LRP1B: variants seen among roughly 807,000 people sequenced by gnomAD.
LRP1B encodes the protein low-density lipoprotein receptor-related protein 1B.
LRP1B carries 217 observed loss-of-function variants against 556.6 expected under a neutral mutation model. The observed-to-expected ratio is 0.39, with a 90% CI of 0.35 to 0.44. The LOEUF (loss-of-function observed/expected upper bound fraction) is 0.44. Among genes scored for constraint, LRP1B ranks in the 20% least tolerant of loss-of-function variants. The pLI, the probability that LRP1B is intolerant of heterozygous loss-of-function variation, is 1.00. For synonymous variants in LRP1B, 2,047 were observed against 1,865.8 expected (o/e 1.10, Z -2.50); for missense variants, 5,053 against 5,620.8 (o/e 0.90, Z 3.23).
chr2:140,368,081 T>C (rs1478545652), intron 71 of LRP1B, among the ~76,000 whole-genome samples: 2 of 151,752 alleles, frequency 1.3e-5, no homozygotes, highest in Non-Finnish European at 2.9e-5. Context: ...ACTAAAAAAA[T>C]GCATCATGGG....
At chr2:141,285,064 A>G (rs1685654163) in intron 3 of LRP1B, among the ~76,000 whole-genome samples, 1 of 151,400 alleles carries the variant, frequency 6.6e-6, no homozygotes, top group Admixed American at 6.6e-5. Context: ...TTTTCTTTAC[A>G]TTCTTCAGAA....
chr2:141,027,045 A>G (rs747141755), intron 11 of LRP1B, among the ~76,000 whole-genome samples: 2 of 152,090 alleles, frequency 1.3e-5, no homozygotes, highest in African/African-American at 2.4e-5. Context: ...AAGAAAAAAA[A>G]TGATAAATAG....
chr2:140,694,814 A>C (rs1263690023), intron 41 of LRP1B, among the ~76,000 whole-genome samples: 9 of 151,992 alleles, frequency 5.9e-5, no homozygotes, highest in Non-Finnish European at 1.3e-4. Context: ...ATGCATTATC[A>C]CTTTCACTAG....
intron 41 of LRP1B, among the ~76,000 whole-genome samples, chr2:140,639,294 C>A (rs747549722): frequency 2.1e-4 from 32 of 152,222 alleles, no homozygotes; most frequent in South Asian, 1.9e-3. Flanking sequence ...AAAAACTAAT[C>A]ATCTTTCATC....
intron 13 of LRP1B, among the ~76,000 whole-genome samples, chr2:141,014,604 C>A (rs1446136633): frequency 6.6e-6 from 1 of 151,970 alleles, no homozygotes; most frequent in Non-Finnish European, 1.5e-5. Flanking sequence ...AATTTAGGGT[C>A]ATAAATTTAA....
chr2:141,701,829 G>A (rs1030042405), intron 2 of LRP1B, among the ~76,000 whole-genome samples: 1 of 151,714 alleles, frequency 6.6e-6, no homozygotes, highest in African/African-American at 2.4e-5. Context: ...AGCAGTATCT[G>A]GAATAACTCA....
At chr2:142,056,297 G>T (rs1183478128) in intron 1 of LRP1B, among the ~76,000 whole-genome samples, 1 of 94,108 alleles carries the variant, frequency 1.1e-5, no homozygotes, top group Non-Finnish European at 2.7e-5. Flanking sequence ...TATGTAATAG[G>T]ACTGGAAAAA....
chr2:141,768,896 T>C (rs890764905), intron 2 of LRP1B, among the ~76,000 whole-genome samples: 4 of 152,088 alleles, frequency 2.6e-5, no homozygotes, highest in African/African-American at 7.2e-5. Flanking sequence ...TGTGCATGTG[T>C]GGTCATTTAA....
At chr2:140,501,480 C>T (rs935688017) in intron 55 of LRP1B, among the ~76,000 whole-genome samples, 6 of 151,960 alleles carry the variant, frequency 3.9e-5, no homozygotes, top group Non-Finnish European at 7.4e-5. Context: ...TAGAAAAATG[C>T]TTCAATTTTA....
chr2:140,911,760 C>T (rs986538813), intron 21 of LRP1B, among the ~76,000 whole-genome samples: 2 of 151,870 alleles, frequency 1.3e-5, no homozygotes, highest in Admixed American at 6.6e-5. Flanking sequence ...TTTGGTTTAT[C>T]AAAATGCAAC....
At chr2:142,035,271 G>T (rs1363282195) in intron 1 of LRP1B, among the ~76,000 whole-genome samples, 2 of 151,646 alleles carry the variant, frequency 1.3e-5, no homozygotes, top group Non-Finnish European at 2.9e-5. Flanking sequence ...AACTGATGGT[G>T]CAGATGCTAT....
chr2:140,700,292 G>A lies in LRP1B; in HGVS notation c.6757C>T (p.Leu2253Phe), dbSNP rs764287876. The change falls in exon 41 of 91, where the codon CTT becomes TTT. Residue 2253 changes from leucine to phenylalanine, a missense_variant. Leu to Phe is a conservative substitution (Grantham distance 22). Around this residue, in one of 5 missense-constraint regions of LRP1B, gnomAD observed 3,619 missense variants for 3,931.9 expected, o/e 0.92. Transcript: ENST00000389484. Reference sequence around the variant, plus strand: ...CTGTCTTCCCAGTTGTCTTTAATAAGCTGTATATTTCCAAAGTGTGCATCA... The same window carrying A: ...CTGTCTTCCCAGTTGTCTTTAATAAACTGTATATTTCCAAAGTGTGCATCA... ...YSDAHFGNIQ[L>F]IKDNWEDRQV... The A allele has an allele frequency of 9.9e-6, 16 of 1,611,880 alleles. No homozygotes were observed. The highest frequency in any genetic ancestry group is 3.3e-5 in the Admixed American group (2 of 59,816).
At chr2:141,252,221 A>G (rs1244928885) in intron 4 of LRP1B, among the ~76,000 whole-genome samples, 1 of 146,318 alleles carries the variant, frequency 6.8e-6, no homozygotes, top group Non-Finnish European at 1.5e-5. Flanking sequence ...AAAAAAAAGG[A>G]AAGAAAAGAA....
At chr2:141,539,924 C>G (rs10188231) in intron 2 of LRP1B, among the ~76,000 whole-genome samples, 27,990 of 151,990 alleles carry the variant, frequency 0.18, 2,702 homozygotes, top group South Asian at 0.39. Flanking sequence ...TTTCCACGTC[C>G]TAGGTTAGGC....
chr2:141,294,396 T>C (rs1261107157), intron 3 of LRP1B, among the ~76,000 whole-genome samples: 2 of 148,692 alleles, frequency 1.3e-5, no homozygotes, highest in African/African-American at 4.9e-5. Context: ...ATAGAACTTA[T>C]CATGAAATAT....
At chr2:140,426,073 A>G (rs1292333149) in intron 66 of LRP1B, among the ~76,000 whole-genome samples, 10 of 152,190 alleles carry the variant, frequency 6.6e-5, no homozygotes, top group Non-Finnish European at 1.2e-4. Flanking sequence ...ACTGAGCCCA[A>G]TGCTGTGGGA....
At chr2:141,426,242 G>A (rs913651133) in intron 3 of LRP1B, among the ~76,000 whole-genome samples, 13 of 151,690 alleles carry the variant, frequency 8.6e-5, no homozygotes, top group South Asian at 2.1e-4. Flanking sequence ...GATATGCGGC[G>A]TTATTTTTGA....
intron 2 of LRP1B, among the ~76,000 whole-genome samples, chr2:141,650,250 G>A (rs1217893020): frequency 6.6e-6 from 1 of 152,184 alleles, no homozygotes; most frequent in East Asian, 1.9e-4. Context: ...TTCACTCTAA[G>A]TTGAGGTTCT....
intron 2 of LRP1B, among the ~76,000 whole-genome samples, chr2:141,665,997 G>A (rs1690416231): frequency 1.3e-5 from 2 of 152,126 alleles, no homozygotes. Context: ...AAGAGCATTA[G>A]CATAAATAGC....
Sources: allele counts gnomAD v4.1 joint callset (sites outside exome capture counted in the v4.1 genomes callset), GRCh38; gene constraint gnomAD v4.1.1; regional missense constraint gnomAD v4.1.1; transcripts MANE v1.5; gene names NCBI Gene and HGNC (gene_info 2026-07-23, HGNC 2026-07-21).